The following ETV6 variants were observed in gnomAD, a reference collection of about 807,000 sequenced individuals.
ETV6 encodes the protein ETS variant transcription factor 6.
ETV6 carries 16 observed loss-of-function variants against 51.1 expected under a neutral mutation model. That is an observed-to-expected ratio of 0.31 (90% CI 0.21 to 0.48). The LOEUF is 0.48. ETV6 is among the 20% of genes least tolerant of loss of function. The pLI is 0.99. For missense variants in ETV6, 458 were observed against 594.8 expected (o/e 0.77, Z 2.39); for synonymous variants, 240 against 224.1 (o/e 1.07, Z -0.64).
At chr12:11,719,719 G>A (rs1865345847) in intron 1 of ETV6, among the ~76,000 whole-genome samples, 1 of 152,250 alleles carries the variant, frequency 6.6e-6, no homozygotes. Flanking sequence ...GCAAGTCTGT[G>A]CATTAAAATC....
At chr12:11,837,960 T>C (rs1946339713) in intron 2 of ETV6, among the ~76,000 whole-genome samples, 1 of 152,232 alleles carries the variant, frequency 6.6e-6, no homozygotes, top group Admixed American at 6.5e-5. Flanking sequence ...TTACAAAATA[T>C]TTATGAATTT....
At chr12:11,871,554 C>T (rs1004142091) in intron 5 of ETV6, among the ~76,000 whole-genome samples, 2 of 152,130 alleles carry the variant, frequency 1.3e-5, no homozygotes, top group Admixed American at 1.3e-4. Context: ...AAGTGCACCA[C>T]CAGTGTTGTC....
At chr12:11,870,058 C>T in intron 5 of ETV6, 89 bp downstream of exon 5, 1 of 1,452,534 alleles carries the variant, frequency 6.9e-7, no homozygotes, top group Non-Finnish European at 9.2e-7. Context: ...CAGCCTCGCA[C>T]CATTCCCAAT....
intron 7 of ETV6, among the ~76,000 whole-genome samples, chr12:11,886,571 G>A (rs1388818752): frequency 6.6e-6 from 1 of 152,120 alleles, no homozygotes; most frequent in Non-Finnish European, 1.5e-5. Flanking sequence ...GTTGTTCCAG[G>A]TGTGTATGTA....
chr12:11,697,273 G>A (rs745552735), intron 1 of ETV6, among the ~76,000 whole-genome samples: 4 of 152,074 alleles, frequency 2.6e-5, no homozygotes, highest in Non-Finnish European at 5.9e-5. Flanking sequence ...GGAGCCACCC[G>A]AGAACTCCTC....
chr12:11,791,903 T>G (rs1035310783), intron 2 of ETV6, among the ~76,000 whole-genome samples: 1 of 152,168 alleles, frequency 6.6e-6, no homozygotes, highest in Non-Finnish European at 1.5e-5. Context: ...CCTACTAATC[T>G]TCAGGGTGGG....
intron 1 of ETV6, among the ~76,000 whole-genome samples, chr12:11,729,960 C>T (rs907488397): frequency 8.5e-5 from 13 of 152,154 alleles, no homozygotes; most frequent in African/African-American, 2.7e-4. Context: ...CTCTCTACCA[C>T]GCTTTCTAGG....
intron 3 of ETV6, among the ~76,000 whole-genome samples, chr12:11,844,851 T>A (rs80045723): frequency 0.024 from 3,712 of 151,980 alleles, 120 homozygotes; most frequent in African/African-American, 0.074. Flanking sequence ...TTTTTTTTTT[T>A]AGATGGATTC....
intron 5 of ETV6, among the ~76,000 whole-genome samples, chr12:11,882,738 G>A (rs1947117913): frequency 6.7e-6 from 1 of 149,958 alleles, no homozygotes; most frequent in South Asian, 2.2e-4. Flanking sequence ...AGATTAAGAA[G>A]CGTGTCCAGG....
chr12:11,836,537 G>A (rs2136459746), intron 2 of ETV6, among the ~76,000 whole-genome samples: 1 of 152,226 alleles, frequency 6.6e-6, no homozygotes, highest in African/African-American at 2.4e-5. Context: ...CTGGGCTGTG[G>A]GAGACATTAA....
intron 2 of ETV6, among the ~76,000 whole-genome samples, chr12:11,764,084 C>T (rs907032134): frequency 4.6e-5 from 7 of 152,176 alleles, no homozygotes; most frequent in Admixed American, 1.3e-4. Flanking sequence ...CCACATAGCT[C>T]CACTTTTAAA....
At chr12:11,722,841 C>T (rs368401388) in intron 1 of ETV6, among the ~76,000 whole-genome samples, 1 of 152,222 alleles carries the variant, frequency 6.6e-6, no homozygotes, top group East Asian at 1.9e-4. Context: ...GTAATTAATG[C>T]AGAGGTGCTC....
chr12:11,730,617 C>A (rs1425776264), intron 1 of ETV6, among the ~76,000 whole-genome samples: 1 of 152,200 alleles, frequency 6.6e-6, no homozygotes, highest in African/African-American at 2.4e-5. Flanking sequence ...TGACAGTTGT[C>A]CCTGCTCTGT....
At chr12:11,774,663 CT>C (rs1945293724) in intron 2 of ETV6, among the ~76,000 whole-genome samples, 1 of 152,224 alleles carries the variant, frequency 6.6e-6, no homozygotes, top group African/African-American at 2.4e-5. Flanking sequence ...AACTCATAGT[CT>C]GTCTGAAGTA....
chr12:11,816,490 C>A (rs918717889), intron 2 of ETV6, among the ~76,000 whole-genome samples: 2 of 152,184 alleles, frequency 1.3e-5, no homozygotes, highest in Admixed American at 1.3e-4. Flanking sequence ...TCGTGATCCA[C>A]CCGCCTCGGC....
In ETV6 at chr12:11,869,354, A is replaced by G; in HGVS notation, c.464-70A>G. The G allele has an allele frequency of 4.2e-6, 6 of 1,426,430 alleles. No individual in the cohort carries two copies. Among genetic ancestry groups the G allele is most frequent in the Non-Finnish European group, 5.8e-6 (6 of 1,043,120 alleles). The allele number at this position is 1,426,430 out of a possible 1,614,324, so 88.4% of individuals were successfully genotyped here. A position where few individuals can be genotyped will look rare whatever the true frequency, so the allele number is the denominator to read the frequency against. ...ACACGCTCCTCCATTTACCGCCTGT[A>G]GAGCCGCAGGGAGTTTCCTGTCCTG... On this transcript the variant is annotated intron_variant, in intron 4 of 7. Transcript: ENST00000396373. The surrounding 1 kb of genome is among the most constrained non-coding windows in gnomAD (Gnocchi z 5.0).
chr12:11,736,097 A>G (rs1428894718), intron 1 of ETV6, among the ~76,000 whole-genome samples: 3 of 152,088 alleles, frequency 2.0e-5, no homozygotes, highest in Admixed American at 6.5e-5. Flanking sequence ...TTTTCCCTCT[A>G]GCCTATAAGC....
At position 11,681,306 on chromosome 12, in the gene ETV6, T is replaced by C. The variant is rs539121087; in HGVS notation, c.33+31146T>C. Reference sequence around the variant, plus strand: ...GTCTTAAGTGAACATTTACATAAAGTTAGCTATTTATGATTTTAAACAAAT... The same window carrying C: ...GTCTTAAGTGAACATTTACATAAAGCTAGCTATTTATGATTTTAAACAAAT... On this transcript the variant is annotated intron_variant, in intron 1 of 7. Transcript: ENST00000396373. Among the ~76,000 whole-genome samples the C allele has an allele frequency of 3.9e-5, 6 of 152,322 alleles. No individual in the cohort carries two copies. In the South Asian group the frequency reaches 1.2e-3, roughly 32 times the overall value.
At chr12:11,785,301 C>G (rs1052212924) in intron 2 of ETV6, among the ~76,000 whole-genome samples, 1 of 152,184 alleles carries the variant, frequency 6.6e-6, no homozygotes, top group African/African-American at 2.4e-5. Context: ...CACTGCGTCC[C>G]TCCTTCAGAG....
Sources: gnomAD v4.1 joint callset for allele counts (sites outside exome capture counted in the v4.1 genomes callset) on GRCh38, gnomAD v4.1.1 for gene constraint, Gnocchi (gnomAD v3.1) non-coding constraint, MANE v1.5 for transcripts, NCBI Gene and HGNC (gene_info 2026-07-23, HGNC 2026-07-21) for gene names.